UNC5D: variants seen among roughly 807,000 people sequenced by gnomAD.
UNC5D encodes unc-5 netrin receptor D.
Under a neutral mutation model 105.4 loss-of-function variants are expected in UNC5D, and 39 were observed. That is an observed-to-expected ratio of 0.37 (90% CI 0.29 to 0.48). The LOEUF is 0.48. UNC5D is among the 20% of genes least tolerant of loss of function. UNC5D has a pLI of 0.98. For missense variants in UNC5D, 991 were observed against 1,202.4 expected, an observed-to-expected ratio of 0.82 and a Z score of 2.60; for synonymous variants, 452 against 450.4, an observed-to-expected ratio of 1.00 and a Z score of -0.04.
At chr8:35,311,165 G>GGAGAAAGGAC (rs1357046294) in intron 1 of UNC5D, among the ~76,000 whole-genome samples, 2 of 152,162 alleles carry the variant, frequency 1.3e-5, no homozygotes, top group African/African-American at 4.8e-5. Flanking sequence ...AAGGACACAT[G>GGAGAAAGGAC]GCATAAGAGT....
intron 1 of UNC5D, among the ~76,000 whole-genome samples, chr8:35,529,854 G>A (rs1359012552): frequency 3.4e-5 from 5 of 148,180 alleles, no homozygotes; most frequent in African/African-American, 7.5e-5. Context: ...TTTGTCTGTT[G>A]TTGGTGTATA....
chr8:35,661,037 G>T (rs1020306861), intron 4 of UNC5D, among the ~76,000 whole-genome samples: 2 of 151,952 alleles, frequency 1.3e-5, no homozygotes, highest in African/African-American at 4.8e-5. Flanking sequence ...GTTCAAGCCT[G>T]CAGTAAGCTA....
chr8:35,277,988 G>A (rs1010848693), intron 1 of UNC5D, among the ~76,000 whole-genome samples: 3 of 152,174 alleles, frequency 2.0e-5, no homozygotes, highest in Admixed American at 6.5e-5. Flanking sequence ...CTCAGTACCC[G>A]AGGCTGCCAG....
chr8:35,524,568 C>T (rs1211804244), intron 1 of UNC5D, among the ~76,000 whole-genome samples: 148 of 116,470 alleles, frequency 1.3e-3, no homozygotes, highest in Non-Finnish European at 2.0e-3. Context: ...ATTTAGAGAA[C>T]ATTTTAATAT....
intron 4 of UNC5D, among the ~76,000 whole-genome samples, chr8:35,629,618 G>C (rs568175398): frequency 6.6e-6 from 1 of 152,002 alleles, no homozygotes; most frequent in Non-Finnish European, 1.5e-5. Context: ...GTGGTGGGTA[G>C]ATTAAAAGCC....
rs1349170609 is a variant in UNC5D, at chr8:35,748,713, C to G, written c.1935+18C>G. On this transcript the variant is annotated intron_variant, in intron 12 of 16. Transcript: ENST00000404895. ...AATGGGAGGTGAGACCCTTTACTTC[C>G]TTTTTTAAACAGTGGGATTTGGGTT... 1 of 1,607,496 alleles carries G rather than the reference C, an allele frequency of 6.2e-7. No individual in the cohort carries two copies. Among genetic ancestry groups the G allele is most frequent in the African/African-American group, 1.3e-5 (1 of 74,624 alleles).
At chr8:35,331,180 A>G (rs1438823175) in intron 1 of UNC5D, among the ~76,000 whole-genome samples, 2 of 152,226 alleles carry the variant, frequency 1.3e-5, no homozygotes, top group African/African-American at 2.4e-5. Flanking sequence ...ACGACCCTGT[A>G]TAGATTATTC....
At chr8:35,717,322 T>G (rs1351506546) in intron 8 of UNC5D, among the ~76,000 whole-genome samples, 2 of 152,202 alleles carry the variant, frequency 1.3e-5, no homozygotes, top group Non-Finnish European at 2.9e-5. Flanking sequence ...TGAGTTAAAT[T>G]TCCATTAGTA....
chr8:35,528,128 G>T (rs1814030483), intron 1 of UNC5D, among the ~76,000 whole-genome samples: 1 of 143,532 alleles, frequency 7.0e-6, no homozygotes, highest in Non-Finnish European at 1.5e-5. Context: ...CATGTGCCAT[G>T]CTGGTGTGCT....
intron 4 of UNC5D, 29 bp downstream of exon 4, chr8:35,595,686 G>T (rs781519859): frequency 4.4e-6 from 7 of 1,604,294 alleles, no homozygotes; most frequent in African/African-American, 1.3e-5. Context: ...ACCAGTCACC[G>T]GGAGGAACCA....
chr8:35,262,107 A>G (rs1199341481), intron 1 of UNC5D, among the ~76,000 whole-genome samples: 1 of 152,208 alleles, frequency 6.6e-6, no homozygotes, highest in Admixed American at 6.5e-5. Context: ...TGCTCACTAA[A>G]TTTTAACAGT....
intron 1 of UNC5D, among the ~76,000 whole-genome samples, chr8:35,305,745 T>C (rs1808355284): frequency 6.7e-6 from 1 of 150,148 alleles, no homozygotes; most frequent in Non-Finnish European, 1.5e-5. Context: ...TCTTTCTCTC[T>C]TTTTCTTTCT....
intron 1 of UNC5D, among the ~76,000 whole-genome samples, chr8:35,426,343 A>G (rs530484862): frequency 6.6e-6 from 1 of 152,340 alleles, no homozygotes; most frequent in South Asian, 2.1e-4. Flanking sequence ...TGATCAGTGC[A>G]GAATCATAAC....
intron 1 of UNC5D, among the ~76,000 whole-genome samples, chr8:35,538,107 C>T (rs1418506009): frequency 6.6e-6 from 1 of 151,910 alleles, no homozygotes; most frequent in Non-Finnish European, 1.5e-5. Context: ...GGAATGTAAC[C>T]AACCTAGGAT....
chr8:35,416,096 A>C (rs150405251), intron 1 of UNC5D, among the ~76,000 whole-genome samples: 72 of 152,160 alleles, frequency 4.7e-4, no homozygotes, highest in Middle Eastern at 3.4e-3. Flanking sequence ...CACCCCATTT[A>C]CCCTGATGTG....
chr8:35,465,133 G>A (rs1809204549), intron 1 of UNC5D, among the ~76,000 whole-genome samples: 1 of 152,226 alleles, frequency 6.6e-6, no homozygotes, highest in Admixed American at 6.5e-5. Flanking sequence ...GCTCATGCCT[G>A]TAATCCTAAC....
chr8:35,462,657 C>A (rs147926844), intron 1 of UNC5D, among the ~76,000 whole-genome samples: 382 of 152,098 alleles, frequency 2.5e-3, no homozygotes, highest in African/African-American at 8.7e-3. Context: ...CTAAATTTCC[C>A]TGGGATTAAA....
intron 1 of UNC5D, among the ~76,000 whole-genome samples, chr8:35,464,655 G>A (rs1402089968): frequency 3.3e-5 from 5 of 151,690 alleles, no homozygotes; most frequent in Non-Finnish European, 5.9e-5. Flanking sequence ...ACTTTTAAAT[G>A]GGAGGCAATC....
intron 1 of UNC5D, among the ~76,000 whole-genome samples, chr8:35,263,164 T>C (rs1329041451): frequency 6.6e-6 from 1 of 152,192 alleles, no homozygotes; most frequent in Non-Finnish European, 1.5e-5. Flanking sequence ...GACAAACTCC[T>C]ATTTAACCCT....
Sources: gnomAD v4.1 joint callset for allele counts (sites outside exome capture counted in the v4.1 genomes callset) on GRCh38, gnomAD v4.1.1 for gene constraint, MANE v1.5 for transcripts, NCBI Gene and HGNC (gene_info 2026-07-23, HGNC 2026-07-21) for gene names.